Variants in CDH8 observed in about 807,000 individuals in gnomAD.
The protein encoded by CDH8 is cadherin 8.
CDH8 carries 17 observed loss-of-function variants against 68.1 expected under a neutral mutation model. That is an observed-to-expected ratio of 0.25 (90% CI 0.17 to 0.37). CDH8 has a LOEUF of 0.37. Among genes scored for constraint, CDH8 ranks in the 10% least tolerant of loss-of-function variants. The pLI is 1.00. For synonymous variants in CDH8, 372 were observed against 365.1 expected, an observed-to-expected ratio of 1.02 and a Z score of -0.21; for missense variants, 763 against 999.3, an observed-to-expected ratio of 0.76 and a Z score of 3.19.
intron 9 of CDH8, 90 bp downstream of exon 9, chr16:61,727,004 T>G (rs1959392665): frequency 7.4e-7 from 1 of 1,349,252 alleles, no homozygotes; most frequent in African/African-American, 1.5e-5. Context: ...AGATCATAAA[T>G]GATGCAAATG....
At chr16:61,707,926 T>A (rs551305190) in intron 10 of CDH8, among the ~76,000 whole-genome samples, 1 of 152,252 alleles carries the variant, frequency 6.6e-6, no homozygotes, top group Non-Finnish European at 1.5e-5. Flanking sequence ...AACATTATTA[T>A]TTAATGAAAC....
chr16:61,865,311 A>G (rs1311252778), intron 3 of CDH8, among the ~76,000 whole-genome samples: 1 of 152,214 alleles, frequency 6.6e-6, no homozygotes, highest in Non-Finnish European at 1.5e-5. Flanking sequence ...TAACTTAATG[A>G]AACATCCATG....
intron 8 of CDH8, among the ~76,000 whole-genome samples, chr16:61,779,090 G>T (rs957087582): frequency 3.9e-5 from 6 of 152,120 alleles, no homozygotes; most frequent in Admixed American, 2.6e-4. Context: ...TTCCTGCTTT[G>T]AAATACTTTC....
At chr16:61,954,455 A>C (rs1964951236) in intron 2 of CDH8, among the ~76,000 whole-genome samples, 1 of 152,136 alleles carries the variant, frequency 6.6e-6, no homozygotes, top group East Asian at 1.9e-4. Context: ...CTCGAAATGC[A>C]CTTTGGGAGG....
At chr16:61,843,837 A>C (rs936996889) in intron 4 of CDH8, among the ~76,000 whole-genome samples, 5 of 152,118 alleles carry the variant, frequency 3.3e-5, no homozygotes, top group Admixed American at 2.0e-4. Flanking sequence ...GAAGTAGTTT[A>C]CAGTCCCACC....
At chr16:61,739,088 C>G (rs1170069634) in intron 8 of CDH8, among the ~76,000 whole-genome samples, 1 of 152,088 alleles carries the variant, frequency 6.6e-6, no homozygotes, top group Non-Finnish European at 1.5e-5. Flanking sequence ...TCTAATTCTA[C>G]TCTGCCAACT....
chr16:61,919,962 A>G (rs1284031001), intron 2 of CDH8, among the ~76,000 whole-genome samples: 5 of 152,068 alleles, frequency 3.3e-5, no homozygotes, highest in Non-Finnish European at 7.3e-5. Flanking sequence ...ATCTACAACT[A>G]TCTGATCTTT....
rs542439119 is a variant in CDH8, at chr16:61,650,107, G to A, written c.*3501C>T. On this transcript the variant is annotated 3_prime_UTR_variant, in exon 12 of 12. Coordinates refer to ENST00000577390, the MANE Select transcript of CDH8 (RefSeq NM_001796.5). The stretch of plus-strand genomic sequence containing the variant: ...TAGAAGTCATAATTCTGTGTGGCAA[G>A]GTTAACACTTGAATTTAAAAATAGC... 8 of 152,048 alleles carry A rather than the reference G, an allele frequency of 5.3e-5. No individual in the cohort carries two copies. Among genetic ancestry groups the A allele is most frequent in the African/African-American group, 1.9e-4 (8 of 41,460 alleles). The allele number at this position is 152,048 out of a possible 1,614,324, so 9.4% of individuals were successfully genotyped here. A position where few individuals can be genotyped will look rare whatever the true frequency, so the allele number is the denominator to read the frequency against.
intron 2 of CDH8, among the ~76,000 whole-genome samples, chr16:61,945,437 TAAAA>T (rs59806534): frequency 8.3e-6 from 1 of 120,432 alleles, no homozygotes; most frequent in African/African-American, 3.1e-5. Context: ...GATGCATGAT[TAAAA>T]AAAAAAAAAA....
At chr16:61,657,059 T>C (rs965221007) in intron 10 of CDH8, among the ~76,000 whole-genome samples, 2 of 83,002 alleles carry the variant, frequency 2.4e-5, no homozygotes, top group African/African-American at 1.1e-4. Context: ...ATTATTTGTT[T>C]TTTTTTTTTC....
chr16:61,979,348 C>T (rs369925545), intron 2 of CDH8, among the ~76,000 whole-genome samples: 1 of 152,170 alleles, frequency 6.6e-6, no homozygotes, highest in East Asian at 1.9e-4. Context: ...CTGAACTTCT[C>T]TCATTGATTA....
At chr16:62,008,722 G>T (rs1901730742) in intron 2 of CDH8, among the ~76,000 whole-genome samples, 1 of 152,104 alleles carries the variant, frequency 6.6e-6, no homozygotes. Flanking sequence ...TAAAAACTAA[G>T]ACCTTTCTTT....
At position 61,793,191 on chromosome 16, in the gene CDH8, A is replaced by G. The variant is rs1961418768; in HGVS notation, c.1278-3709T>C. Among the ~76,000 whole-genome samples the G allele has an allele frequency of 3.3e-5, 5 of 151,922 alleles. No individual in the cohort carries two copies. The South Asian group carries it at 1.0e-3, about 32-fold the overall frequency. On this transcript the variant is annotated intron_variant, in intron 7 of 11. Transcript: ENST00000577390. Reference sequence around the variant, plus strand: ...AGGGCCCTTACCAGAATCCGATCACACTGGCATGCTAATCTTGGACTTCCC... The same window carrying G: ...AGGGCCCTTACCAGAATCCGATCACGCTGGCATGCTAATCTTGGACTTCCC...
Position 61,654,040 on chromosome 16 carries a change from A to G in CDH8, c.1968T>C (p.Asp656=), listed in dbSNP as rs143586940. Residue 656 remains aspartate, a synonymous_variant, in exon 12 of 12, where the codon GAT becomes GAC. Transcript: ENST00000577390. ...TGATGTTTTCTCGAACGTCTTCATCATCTTTGATAATTAATGGTTCATTTT... is the reference window on the plus strand; with the variant it reads ...TGATGTTTTCTCGAACGTCTTCATCGTCTTTGATAATTAATGGTTCATTTT... ...RHKNEPLIIK[D]DEDVRENIIR... 1.9e-6 allele frequency: 3 copies of G among 1,614,156 alleles called. No individual in the cohort carries two copies. The Admixed American group carries it at 5.0e-5, about 27-fold the overall frequency.
intron 4 of CDH8, among the ~76,000 whole-genome samples, chr16:61,852,440 T>C (rs573468929): frequency 6.6e-6 from 1 of 152,224 alleles, no homozygotes; most frequent in South Asian, 2.1e-4. Context: ...CTTTGTTTAG[T>C]GGTCCCAGAA....
At chr16:61,768,415 TCTCTCTCTCTCTCC>T (rs1960687074) in intron 8 of CDH8, among the ~76,000 whole-genome samples, 4 of 140,108 alleles carry the variant, frequency 2.9e-5, no homozygotes, top group Non-Finnish European at 4.6e-5. Context: ...TCTCTCTCTC[TCTCTCTCTCTCTCC>T]CTCTCCCTCT....
At chr16:61,859,242 C>A (rs1963106351) in intron 3 of CDH8, among the ~76,000 whole-genome samples, 1 of 152,128 alleles carries the variant, frequency 6.6e-6, no homozygotes, top group Non-Finnish European at 1.5e-5. Flanking sequence ...AAAATGAACA[C>A]ATGAGAGTAC....
intron 1 of CDH8, among the ~76,000 whole-genome samples, chr16:62,033,272 G>T (rs1002758180): frequency 1.3e-5 from 2 of 152,194 alleles, no homozygotes; most frequent in African/African-American, 4.8e-5. Context: ...AATGAATACT[G>T]TGTTGACCAC....
intron 8 of CDH8, among the ~76,000 whole-genome samples, chr16:61,768,970 AT>A (rs1212996074): frequency 6.6e-6 from 1 of 151,814 alleles, no homozygotes; most frequent in African/African-American, 2.4e-5. Flanking sequence ...CCCTTTATGC[AT>A]TAAAATTTTG....
Sources: gnomAD v4.1 joint callset for allele counts (sites outside exome capture counted in the v4.1 genomes callset) on GRCh38, gnomAD v4.1.1 for gene constraint, MANE v1.5 for transcripts, NCBI Gene and HGNC (gene_info 2026-07-23, HGNC 2026-07-21) for gene names.